The following EXOC4 variants were observed in gnomAD, a reference collection of about 807,000 sequenced individuals.
EXOC4 encodes exocyst complex component 4.
A neutral mutation model predicts 107.2 loss-of-function variants in EXOC4; 71 were observed. That is an observed-to-expected ratio of 0.66 (90% CI 0.55 to 0.81). The LOEUF (loss-of-function observed/expected upper bound fraction) is 0.81, where lower values mean the gene tolerates loss of function less well. Among genes scored for constraint, EXOC4 ranks in the 30% least tolerant of loss-of-function variants. The pLI is 0.00. For missense variants in EXOC4, 1,108 were observed against 1,189.6 expected, an observed-to-expected ratio of 0.93 and a Z score of 1.01; for synonymous variants, 456 against 441.2, an observed-to-expected ratio of 1.03 and a Z score of -0.42.
At position 133,405,513 on chromosome 7, in the gene EXOC4, G is replaced by A. The variant is rs900254546; in HGVS notation, c.1182+30511G>A. Among the ~76,000 whole-genome samples, 4 of 152,058 alleles carry A rather than the reference G, an allele frequency of 2.6e-5. No individual in the cohort carries two copies. In the South Asian group the frequency reaches 8.3e-4, roughly 32 times the overall value. On this transcript the variant is annotated intron_variant, in intron 7 of 17. Coordinates refer to ENST00000253861, the MANE Select transcript of EXOC4 (RefSeq NM_021807.4). Reference sequence around the variant, plus strand: ...TTTTTATTTGTCTTTGGTAGCAAATGTACCACATTAAGGTGGTATTTGGAT... The same window carrying A: ...TTTTTATTTGTCTTTGGTAGCAAATATACCACATTAAGGTGGTATTTGGAT...
At chr7:133,435,704 A>G (rs1797955244) in intron 7 of EXOC4, among the ~76,000 whole-genome samples, 1 of 152,136 alleles carries the variant, frequency 6.6e-6, no homozygotes, top group African/African-American at 2.4e-5. Flanking sequence ...AGAATTCTCT[A>G]TCCTAGTCCC....
At chr7:133,632,421 C>T (rs996052799) in intron 10 of EXOC4, among the ~76,000 whole-genome samples, 7 of 152,232 alleles carry the variant, frequency 4.6e-5, no homozygotes, top group South Asian at 2.1e-4. Context: ...CTTTGATAAA[C>T]GGATGACTAT....
chr7:134,032,282 A>G (rs1404964454), intron 17 of EXOC4, among the ~76,000 whole-genome samples: 1 of 152,164 alleles, frequency 6.6e-6, no homozygotes, highest in Admixed American at 6.5e-5. Context: ...AAGTCTGTCA[A>G]CAGTTTCTCC....
rs115714646 is a variant in EXOC4, at chr7:133,653,516, C to T, written c.1514+23375C>T. Among the ~76,000 whole-genome samples, 731 of 152,324 alleles carry T rather than the reference C, an allele frequency of 4.8e-3. 3 individuals are homozygous for T. The highest frequency in any genetic ancestry group is 0.017 in the Middle Eastern group (5 of 294). On this transcript the variant is annotated intron_variant, in intron 10 of 17. Transcript: ENST00000253861. ...CAGTACATTTATCTCTCAGAAATTT[C>T]AATTCTCTCTGGCAGGTTGATAGGG...
chr7:134,073,968 CTTT>C, the EXOC4 span, among the ~76,000 whole-genome samples: 7 of 152,218 alleles, frequency 4.6e-5, no homozygotes, highest in Non-Finnish European at 1.0e-4. Flanking sequence ...CAGGCAGAGT[CTTT>C]TCTAGTGTGC....
intron 5 of EXOC4, among the ~76,000 whole-genome samples, chr7:133,322,976 A>G (rs898257985): frequency 9.2e-5 from 14 of 152,158 alleles, no homozygotes; most frequent in Non-Finnish European, 2.1e-4. Context: ...TCTTTGTAGC[A>G]ATTGTGAATG....
intron 14 of EXOC4, among the ~76,000 whole-genome samples, chr7:133,979,428 CATG>C (rs1169477539): frequency 1.3e-5 from 2 of 152,178 alleles, no homozygotes; most frequent in African/African-American, 4.8e-5. Flanking sequence ...GTAAGGCAGA[CATG>C]ATCTCTCAAT....
At chr7:133,868,348 G>T (rs1299637056) in intron 11 of EXOC4, among the ~76,000 whole-genome samples, 1 of 152,198 alleles carries the variant, frequency 6.6e-6, no homozygotes, top group Non-Finnish European at 1.5e-5. Context: ...AATGAGAAGA[G>T]GGTAGAAGAG....
chr7:133,988,608 C>T (rs934487285), intron 14 of EXOC4, among the ~76,000 whole-genome samples: 2 of 152,090 alleles, frequency 1.3e-5, no homozygotes, highest in Admixed American at 1.3e-4. Flanking sequence ...GGTAGGGGAA[C>T]ATCCAGAAGA....
At chr7:134,099,869 G>C in the EXOC4 span, among the ~76,000 whole-genome samples, 17 of 152,010 alleles carry the variant, frequency 1.1e-4, no homozygotes, top group African/African-American at 4.1e-4. Flanking sequence ...ACAACACCCA[G>C]CTAATTTTTG....
chr7:133,619,984 CTGTGTGTGTGTG>C (rs34442997), intron 9 of EXOC4, among the ~76,000 whole-genome samples: 5 of 149,458 alleles, frequency 3.3e-5, no homozygotes, highest in Admixed American at 2.7e-4. Context: ...TCCCTGTTTT[CTGTGTGTGTGTG>C]TGTGTGTGTG....
intron 11 of EXOC4, among the ~76,000 whole-genome samples, chr7:133,853,370 AC>A: frequency 8.6e-6 from 1 of 116,692 alleles, no homozygotes; most frequent in East Asian, 2.0e-4. Flanking sequence ...ACACACACAC[AC>A]ACACACACAC....
the EXOC4 span, among the ~76,000 whole-genome samples, chr7:134,099,238 C>T: frequency 3.9e-5 from 6 of 152,116 alleles, no homozygotes; most frequent in Admixed American, 2.0e-4. Flanking sequence ...ATGCTACCAA[C>T]ATTGTGGCAC....
intron 3 of EXOC4, among the ~76,000 whole-genome samples, chr7:133,294,201 TAGC>T (rs1315468664): frequency 7.9e-5 from 12 of 152,320 alleles, no homozygotes; most frequent in African/African-American, 2.9e-4. Context: ...AATATAAGAA[TAGC>T]AGCTTCTTCC....
chr7:133,575,479 G>GAAAACATTT (rs1167695377), intron 9 of EXOC4, among the ~76,000 whole-genome samples: 1 of 152,194 alleles, frequency 6.6e-6, no homozygotes, highest in Non-Finnish European at 1.5e-5. Flanking sequence ...TTTAGATGGT[G>GAAAACATTT]AAAACATTTA....
At chr7:133,837,443 G>T (rs1243841609) in intron 11 of EXOC4, among the ~76,000 whole-genome samples, 3 of 152,180 alleles carry the variant, frequency 2.0e-5, no homozygotes, top group Non-Finnish European at 4.4e-5. Context: ...TTAATTGGAA[G>T]AATAGGGAGT....
At chr7:133,806,480 T>G (rs1797080575) in intron 10 of EXOC4, among the ~76,000 whole-genome samples, 1 of 152,184 alleles carries the variant, frequency 6.6e-6, no homozygotes, top group Non-Finnish European at 1.5e-5. Flanking sequence ...TTGTTGTATT[T>G]TTAGAGAAAT....
At chr7:134,060,238 A>ACACAGCAAAGGGTAGGAGAAGC (rs1796025173) in intron 17 of EXOC4, among the ~76,000 whole-genome samples, 1 of 152,206 alleles carries the variant, frequency 6.6e-6, no homozygotes, top group Non-Finnish European at 1.5e-5. Flanking sequence ...GCAAAAAGGC[A>ACACAGCAAAGGGTAGGAGAAGC]CACAGCAAAG....
intron 11 of EXOC4, among the ~76,000 whole-genome samples, chr7:133,861,887 T>A (rs1798541331): frequency 6.6e-6 from 1 of 152,200 alleles, no homozygotes; most frequent in Non-Finnish European, 1.5e-5. Flanking sequence ...AGGTGTTTCC[T>A]GGACCTGCTT....
Sources: gnomAD v4.1 joint callset for allele counts (sites outside exome capture counted in the v4.1 genomes callset) on GRCh38, gnomAD v4.1.1 for gene constraint, MANE v1.5 for transcripts, NCBI Gene and HGNC (gene_info 2026-07-23, HGNC 2026-07-21) for gene names.